DHX9: variants seen among roughly 807,000 people sequenced by gnomAD.
DHX9 encodes ATP-dependent RNA helicase A.
Under a neutral mutation model 148.7 loss-of-function variants are expected in DHX9, and 27 were observed. The ratio of observed to expected loss-of-function variants is 0.18; its 90% CI spans 0.13 to 0.25. The LOEUF (loss-of-function observed/expected upper bound fraction) is 0.25, where lower values mean the gene tolerates loss of function less well. DHX9 is among the 10% of genes least tolerant of loss of function. The pLI is 1.00. For missense variants in DHX9, 796 were observed against 1,559.6 expected (o/e 0.51, Z 8.25); for synonymous variants, 529 against 516.6 (o/e 1.02, Z -0.33).
intron 16 of DHX9, among the ~76,000 whole-genome samples, chr1:182,875,643 G>GT (rs1648727618): frequency 6.6e-6 from 1 of 152,202 alleles, no homozygotes; most frequent in Non-Finnish European, 1.5e-5. Context: ...ATCTGAAGAT[G>GT]TAAATGAACA....
Position 182,842,650 on chromosome 1 carries a change from CA to C in DHX9, c.89del (p.Asn30ThrfsTer43). On this transcript the variant is annotated frameshift_variant, in exon 2 of 28. Transcript: ENST00000367549. LOFTEE classifies it high-confidence loss of function. ...CCTATGAAATTAGAGCAGTGGGGAA[CA>C]AAAACAGGCAGAAATTCATGTGTGA... The part of the protein sequence containing the change: ...PSYEIRAVGN[K>X]NRQKFMCEVQ... 2 of 1,612,884 alleles carry C rather than the reference CA, an allele frequency of 1.2e-6. No individual in the cohort carries two copies. The highest frequency in any genetic ancestry group is 1.1e-5 in the South Asian group (1 of 90,904).
At position 182,880,616 on chromosome 1, in the gene DHX9, C is replaced by CTTTGT. The variant is rs751233883; in HGVS notation, c.2624+12_2624+16dup. ...AATGGGGTGTATTTTCTAGTAAGTG[C>CTTTGT]TTTGTTTTATTTCTCTTCGTTAAGT... On this transcript the variant is annotated intron_variant, in intron 22 of 27. Coordinates refer to ENST00000367549, the MANE Select transcript of DHX9 (RefSeq NM_001357.5). 2.6e-6 allele frequency: 4 copies of CTTTGT among 1,556,374 alleles called. No individual in the cohort carries two copies. The highest frequency in any genetic ancestry group is 3.4e-5 in the Admixed American group (2 of 59,688).
At chr1:182,886,184 A>T (rs1355377956) in intron 27 of DHX9, among the ~76,000 whole-genome samples, 3 of 149,538 alleles carry the variant, frequency 2.0e-5, no homozygotes, top group Admixed American at 6.6e-5. Context: ...TTTTTTTTTA[A>T]ATTTATTTAT....
At chr1:182,854,312 T>A in intron 6 of DHX9, 134 bp downstream of exon 6, 1 of 810,872 alleles carries the variant, frequency 1.2e-6, no homozygotes, top group Non-Finnish European at 1.8e-6. Context: ...AAGATAACGT[T>A]AATTTGCACA....
chr1:182,881,570 A>G lies in DHX9; in HGVS notation c.2837A>G (p.Asn946Ser). The G allele has an allele frequency of 6.2e-7, 1 of 1,613,504 alleles. No homozygotes were observed. The highest frequency in any genetic ancestry group is 8.5e-7 in the Non-Finnish European group (1 of 1,179,874). Residue 946 changes from asparagine to serine, a missense_variant, in exon 24 of 28, where the codon AAT (asparagine) becomes AGT (serine). Transcript: ENST00000367549. Reference sequence around the variant, plus strand: ...CGTTTTTGTGAGCACAAAAGACTTAATATGGCTACACTAAGAATGACTTGG... The same window carrying G: ...CGTTTTTGTGAGCACAAAAGACTTAGTATGGCTACACTAAGAATGACTTGG... ...EIRFCEHKRL[N>S]MATLRMTWEA...
chr1:182,879,260 C>T lies in DHX9; in HGVS notation c.2362C>T (p.His788Tyr). The T allele has an allele frequency of 1.4e-6, 2 of 1,475,074 alleles. No homozygotes were observed. Among genetic ancestry groups the T allele is most frequent in the Non-Finnish European group, 1.8e-6 (2 of 1,091,590 alleles). The allele number at this position is 1,475,074 out of a possible 1,614,324, so 91.4% of individuals were successfully genotyped here. ...SRARFERLET[H>Y]MTPEMFRTPL... ...CTTATTTTCTCTTAGACTTGAAACC[C>T]ACATGACACCAGAGATGTTCCGAAC... Residue 788 changes from histidine (H) to tyrosine (Y), a missense_variant, in exon 21 of 28, where the codon CAC becomes TAC. Transcript: ENST00000367549.
At chr1:182,839,676 C>G (rs1356659385) in intron 1 of DHX9, 1 of 152,378 alleles carries the variant, frequency 6.6e-6, no homozygotes, top group African/African-American at 2.4e-5. Flanking sequence ...GCCCCCTCCC[C>G]TCTCCTCCGC....
intron 15 of DHX9, among the ~76,000 whole-genome samples, chr1:182,874,358 G>C (rs1042349957): frequency 1.3e-5 from 2 of 152,186 alleles, no homozygotes; most frequent in African/African-American, 4.8e-5. Context: ...GGAGTTTTTG[G>C]ATATAGAGGG....
At chr1:182,880,661 C>A in intron 22 of DHX9, 53 bp downstream of exon 22, 1 of 1,203,984 alleles carries the variant, frequency 8.3e-7, no homozygotes, top group South Asian at 1.3e-5. Flanking sequence ...ATTTCAGAAT[C>A]TTCTCCTCCC....
chr1:182,848,259 T>A (rs932325830), intron 3 of DHX9, among the ~76,000 whole-genome samples: 1 of 152,244 alleles, frequency 6.6e-6, no homozygotes, highest in Non-Finnish European at 1.5e-5. Flanking sequence ...CTGGAGACCA[T>A]TTTGTCCCCT....
rs765632584 is a variant in DHX9 at position 182,884,815 on chromosome 1, T to C, written c.3461+2T>C. On this transcript the variant is annotated splice_donor_variant, in intron 27 of 27. Transcript: ENST00000367549. LOFTEE classifies it high-confidence loss of function. ...CAACCTTATGATTGGCAGTACACGG[T>C]GAGTACCAATATACTTCTTACTGAA... 8.1e-6 allele frequency: 13 copies of C among 1,613,844 alleles called. No individual in the cohort carries two copies. Among genetic ancestry groups the C allele is most frequent in the Admixed American group, 1.7e-5 (1 of 59,998 alleles).
chr1:182,860,638 A>T (rs1165583736), intron 12 of DHX9, among the ~76,000 whole-genome samples: 1 of 152,266 alleles, frequency 6.6e-6, no homozygotes, highest in Non-Finnish European at 1.5e-5. Flanking sequence ...TATTTCACAT[A>T]GTATTTCTCT....
chr1:182,863,619 A>G (rs1648098487), intron 12 of DHX9, among the ~76,000 whole-genome samples: 5 of 152,296 alleles, frequency 3.3e-5, no homozygotes, highest in Admixed American at 1.3e-4. Context: ...AGATCAAGGG[A>G]AAAGTGATAG....
intron 1 of DHX9, among the ~76,000 whole-genome samples, chr1:182,841,559 G>GA (rs1241308067): frequency 6.6e-6 from 1 of 152,202 alleles, no homozygotes. Context: ...ACCAGAGTTA[G>GA]ACTGTGGCCA....
chr1:182,856,106 TC>T lies in DHX9; in HGVS notation c.627-425del, dbSNP rs757293288. ...CGTATATTAGCTTAATAGATCGCAGTCATTAATGGGTGGCCTATGCAAAGGA... is the reference window on the plus strand; with the variant it reads ...CGTATATTAGCTTAATAGATCGCAGTATTAATGGGTGGCCTATGCAAAGGA... On this transcript the variant is annotated intron_variant, in intron 6 of 27. Coordinates refer to ENST00000367549, the MANE Select transcript of DHX9 (RefSeq NM_001357.5). 2.6e-5 allele frequency among the ~76,000 whole-genome samples: 4 copies of T among 152,200 alleles called. No homozygotes were observed. The South Asian group carries it at 6.2e-4, about 24-fold the overall frequency.
chr1:182,885,621 T>C (rs1323708699), intron 27 of DHX9, among the ~76,000 whole-genome samples: 1 of 152,190 alleles, frequency 6.6e-6, no homozygotes, highest in East Asian at 1.9e-4. Flanking sequence ...TCAAAAATGA[T>C]GTATTGGCAT....
At chr1:182,867,458 A>G (rs1648349168) in intron 14 of DHX9, among the ~76,000 whole-genome samples, 1 of 152,132 alleles carries the variant, frequency 6.6e-6, no homozygotes, top group African/African-American at 2.4e-5. Context: ...GCTGGAGTGC[A>G]GTGGCGCGAT....
chr1:182,868,975 A>G (rs1214912154), intron 14 of DHX9, among the ~76,000 whole-genome samples: 1 of 152,158 alleles, frequency 6.6e-6, no homozygotes, highest in Non-Finnish European at 1.5e-5. Context: ...GGTTTTTCCT[A>G]ATTAACTTAA....
intron 21 of DHX9, 63 bp from the exon 22 acceptor site, chr1:182,880,434 T>G: frequency 9.2e-7 from 1 of 1,092,134 alleles, no homozygotes; most frequent in Non-Finnish European, 1.4e-6. Flanking sequence ...TTTAGAGTAA[T>G]GTTTTGTCTG....
Sources: allele counts gnomAD v4.1 joint callset (sites outside exome capture counted in the v4.1 genomes callset), GRCh38; gene constraint gnomAD v4.1.1; transcripts MANE v1.5; gene names NCBI Gene and HGNC (gene_info 2026-07-23, HGNC 2026-07-21).